The following PRKAR1B variants were observed in gnomAD, a reference collection of about 807,000 sequenced individuals.
The protein encoded by PRKAR1B is cAMP-dependent protein kinase type I-beta regulatory subunit.
In PRKAR1B, 22 loss-of-function variants were observed where a neutral mutation model predicts 46.5. That is an observed-to-expected ratio of 0.47 (90% CI 0.34 to 0.68). The LOEUF is 0.68. PRKAR1B is among the 30% of genes least tolerant of loss of function. PRKAR1B has a pLI of 0.01. For synonymous variants in PRKAR1B, 259 were observed against 217.7 expected (o/e 1.19, Z -1.67); for missense variants, 445 against 535.6 (o/e 0.83, Z 1.67).
At chr7:601,199 G>A (rs1056963902) in intron 6 of PRKAR1B, among the ~76,000 whole-genome samples, 4 of 152,174 alleles carry the variant, frequency 2.6e-5, no homozygotes, top group Non-Finnish European at 4.4e-5. Flanking sequence ...TTCCCGCCAC[G>A]CAGAATAAAA....
chr7:558,313 G>A (rs1431381906), intron 9 of PRKAR1B, among the ~76,000 whole-genome samples: 7 of 124,070 alleles, frequency 5.6e-5, no homozygotes, highest in South Asian at 2.8e-4. Context: ...GTGACAGAGC[G>A]AGACCCTGTC....
At chr7:588,262 T>G (rs1157650470) in intron 7 of PRKAR1B, among the ~76,000 whole-genome samples, 1 of 152,208 alleles carries the variant, frequency 6.6e-6, no homozygotes, top group Non-Finnish European at 1.5e-5. Flanking sequence ...GAGGACACAG[T>G]GGGCAGTCCA....
At chr7:647,885 G>A (rs1197688367) in intron 4 of PRKAR1B, among the ~76,000 whole-genome samples, 1 of 151,654 alleles carries the variant, frequency 6.6e-6, no homozygotes, top group Non-Finnish European at 1.5e-5. Flanking sequence ...TTATGGCCGG[G>A]CATGGTGGCT....
chr7:726,421 C>T (rs1467983773), intron 1 of PRKAR1B, among the ~76,000 whole-genome samples: 2 of 152,190 alleles, frequency 1.3e-5, no homozygotes, highest in Non-Finnish European at 1.5e-5. Context: ...GGGCAGGCTT[C>T]CCTAGGGGCA....
intron 4 of PRKAR1B, chr7:608,301 G>A (rs536930164): frequency 6.6e-6 from 1 of 152,292 alleles, no homozygotes; most frequent in South Asian, 2.1e-4. Context: ...CACTCCGAGG[G>A]TGGCCTCCTG....
chr7:575,541 TTTTTGG>T (rs757007291), intron 9 of PRKAR1B, among the ~76,000 whole-genome samples: 56 of 152,252 alleles, frequency 3.7e-4, no homozygotes, highest in East Asian at 2.1e-3. Flanking sequence ...TCTTTTTTTG[TTTTTGG>T]TTTTGGTTTT....
chr7:718,220 C>G (rs190280350), intron 1 of PRKAR1B, among the ~76,000 whole-genome samples: 2 of 151,290 alleles, frequency 1.3e-5, no homozygotes, highest in Non-Finnish European at 2.9e-5. Flanking sequence ...CACAGACAGC[C>G]GGCCCCAGGC....
intron 2 of PRKAR1B, among the ~76,000 whole-genome samples, chr7:706,201 C>T (rs1030351030): frequency 2.0e-5 from 3 of 152,026 alleles, no homozygotes; most frequent in South Asian, 2.1e-4. Context: ...TGGTGGGCAC[C>T]GGTACTCCCA....
chr7:659,924 G>A (rs202075282), intron 4 of PRKAR1B, among the ~76,000 whole-genome samples: 1 of 152,190 alleles, frequency 6.6e-6, no homozygotes, highest in Non-Finnish European at 1.5e-5. Flanking sequence ...GGAAGAGAAG[G>A]GGGAGGAGGA....
At chr7:668,156 T>G (rs1786037942) in intron 4 of PRKAR1B, among the ~76,000 whole-genome samples, 1 of 152,208 alleles carries the variant, frequency 6.6e-6, no homozygotes, top group Non-Finnish European at 1.5e-5. Context: ...AAGGATTCTC[T>G]GCCGCACTCT....
At chr7:677,148 A>AG in intron 4 of PRKAR1B, 81 bp downstream of exon 4, 1 of 1,324,208 alleles carries the variant, frequency 7.6e-7, no homozygotes. Flanking sequence ...AGTGATGCCC[A>AG]GGCAAGTGGC....
intron 9 of PRKAR1B, among the ~76,000 whole-genome samples, chr7:573,436 A>T (rs1779639377): frequency 6.6e-6 from 1 of 151,764 alleles, no homozygotes; most frequent in East Asian, 2.0e-4. Flanking sequence ...GCCCCTCCTC[A>T]GAGCCTTTCC....
At chr7:702,278 A>T (rs1034576127) in intron 2 of PRKAR1B, among the ~76,000 whole-genome samples, 1 of 152,162 alleles carries the variant, frequency 6.6e-6, no homozygotes. Flanking sequence ...CAAATAATCT[A>T]AAAGAAGGAA....
intron 3 of PRKAR1B, among the ~76,000 whole-genome samples, chr7:679,064 G>A (rs1778507558): frequency 6.6e-6 from 1 of 152,210 alleles, no homozygotes; most frequent in African/African-American, 2.4e-5. Flanking sequence ...CTCCAGCCTG[G>A]ACAACAAGAG....
In PRKAR1B at chr7:560,434, ACTG is replaced by A. The variant is rs1416279225; in HGVS notation, c.892-8967_892-8965del. On this transcript the variant is annotated intron_variant, in intron 9 of 10. Coordinates refer to ENST00000537384, the MANE Select transcript of PRKAR1B (RefSeq NM_001164760.2). The surrounding 1 kb of genome is among the most constrained non-coding windows in gnomAD (Gnocchi z 4.2). ...CTTTGTATCACGACCATAAATGGAA[ACTG>A]CTATCACTTTCCATAAATTAAAAAG... Among the ~76,000 whole-genome samples the A allele has an allele frequency of 2.0e-5, 3 of 152,158 alleles. No individual in the cohort carries two copies. The highest frequency in any genetic ancestry group is 2.1e-4 in the South Asian group (1 of 4,816).
chr7:725,973 C>A (rs1287146065), intron 1 of PRKAR1B, among the ~76,000 whole-genome samples: 2 of 152,184 alleles, frequency 1.3e-5, no homozygotes, highest in Non-Finnish European at 2.9e-5. Context: ...CTGCCCTCTC[C>A]CTGGCCCCCT....
intron 5 of PRKAR1B, among the ~76,000 whole-genome samples, chr7:606,767 CGTGTGTGT>C (rs71546453): frequency 1.6e-3 from 231 of 148,370 alleles, no homozygotes; most frequent in African/African-American, 5.6e-3. Flanking sequence ...GAATTTTATG[CGTGTGTGT>C]GTGTGTGTGT....
intron 2 of PRKAR1B, among the ~76,000 whole-genome samples, chr7:704,216 C>T (rs4723989): frequency 0.021 from 3,256 of 151,996 alleles, 47 homozygotes; most frequent in Non-Finnish European, 0.032. Context: ...AGAGGAGAAA[C>T]AGATAAAATC....
In PRKAR1B at chr7:640,765, AACACACAC is replaced by A. The variant is rs71546454; in HGVS notation, c.441-33321_441-33314del. On this transcript the variant is annotated intron_variant, in intron 4 of 10. Transcript: ENST00000537384. The stretch of plus-strand genomic sequence containing the variant: ...GCAACAAGAGCAAAACTCTGTCTCA[AACACACAC>A]ACACACACACACACACACACACACA... 3.7e-5 allele frequency among the ~76,000 whole-genome samples: 4 copies of A among 108,188 alleles called. 1 individual carries two copies. The South Asian group carries it at 1.0e-3, about 27-fold the overall frequency. The allele number at this position is 108,188 out of a possible 152,430, so 71.0% of individuals were successfully genotyped here.
Sources: allele counts gnomAD v4.1 joint callset (sites outside exome capture counted in the v4.1 genomes callset), GRCh38; gene constraint gnomAD v4.1.1; non-coding constraint Gnocchi (gnomAD v3.1); transcripts MANE v1.5; gene names NCBI Gene and HGNC (gene_info 2026-07-23, HGNC 2026-07-21).